The following FCHSD2 variants were observed in gnomAD, a reference collection of about 807,000 sequenced individuals.
FCHSD2 encodes F-BAR and double SH3 domains protein 2.
A neutral mutation model predicts 108.1 loss-of-function variants in FCHSD2; 38 were observed. The observed-to-expected ratio is 0.35, with a 90% CI of 0.27 to 0.46. The LOEUF (loss-of-function observed/expected upper bound fraction) is 0.46. FCHSD2 is among the 20% of genes least tolerant of loss of function. FCHSD2 has a pLI of 1.00. For synonymous variants in FCHSD2, 279 were observed against 314.7 expected (o/e 0.89, Z 1.20); for missense variants, 751 against 897.8 (o/e 0.84, Z 2.09).
intron 5 of FCHSD2, among the ~76,000 whole-genome samples, chr11:72,992,693 C>G (rs1248976244): frequency 6.6e-6 from 1 of 152,188 alleles, no homozygotes; most frequent in Non-Finnish European, 1.5e-5. Context: ...GCTGGGAATA[C>G]TGGCTAGCCA....
At chr11:72,886,019 T>C (rs1477141697) in intron 12 of FCHSD2, among the ~76,000 whole-genome samples, 1 of 152,174 alleles carries the variant, frequency 6.6e-6, no homozygotes, top group Non-Finnish European at 1.5e-5. Flanking sequence ...ATATTCTCTA[T>C]GCTTGCCTAC....
At chr11:73,092,838 G>A (rs1431788502) in intron 2 of FCHSD2, among the ~76,000 whole-genome samples, 2 of 152,124 alleles carry the variant, frequency 1.3e-5, no homozygotes, top group Non-Finnish European at 2.9e-5. Flanking sequence ...CCTACCCAAA[G>A]ACAGGTCTTA....
At chr11:72,840,783 A>T in intron 19 of FCHSD2, 94 bp downstream of exon 19, 1 of 881,926 alleles carries the variant, frequency 1.1e-6, no homozygotes, top group Non-Finnish European at 1.8e-6. Context: ...TGGCATAGTC[A>T]GTAACAACAC....
intron 12 of FCHSD2, among the ~76,000 whole-genome samples, chr11:72,885,406 G>A (rs1565305545): frequency 6.6e-6 from 1 of 152,186 alleles, no homozygotes; most frequent in Non-Finnish European, 1.5e-5. Flanking sequence ...GTGAGACATC[G>A]TGGTATGAGA....
chr11:72,951,365 A>G (rs1856616386), intron 8 of FCHSD2, among the ~76,000 whole-genome samples: 1 of 152,190 alleles, frequency 6.6e-6, no homozygotes, highest in Non-Finnish European at 1.5e-5. Context: ...TTGTTACACT[A>G]TGACAAAACA....
At chr11:72,856,114 A>G (rs1389128542) in intron 13 of FCHSD2, among the ~76,000 whole-genome samples, 1 of 152,212 alleles carries the variant, frequency 6.6e-6, no homozygotes, top group African/African-American at 2.4e-5. Context: ...CATTACATTA[A>G]TTAATTAAAG....
intron 2 of FCHSD2, among the ~76,000 whole-genome samples, chr11:73,100,591 G>A (rs1311731552): frequency 5.9e-5 from 9 of 152,044 alleles, no homozygotes; most frequent in African/African-American, 2.2e-4. Context: ...TGGAACTCTC[G>A]ACCTCAGGTG....
chr11:73,112,752 AATTCTCCTGCC>A (rs1565096284), intron 2 of FCHSD2, among the ~76,000 whole-genome samples: 30 of 152,072 alleles, frequency 2.0e-4, no homozygotes, highest in African/African-American at 7.2e-4. Flanking sequence ...AAGTTCAAGC[AATTCTCCTGCC>A]TCAGCCTCCT....
chr11:73,003,022 A>G (rs1172228168), intron 4 of FCHSD2, among the ~76,000 whole-genome samples: 1 of 152,220 alleles, frequency 6.6e-6, no homozygotes, highest in African/African-American at 2.4e-5. Context: ...GGATGAATGT[A>G]TTAACTATGA....
At chr11:73,092,107 A>G (rs1859973204) in intron 2 of FCHSD2, among the ~76,000 whole-genome samples, 1 of 152,060 alleles carries the variant, frequency 6.6e-6, no homozygotes, top group Non-Finnish European at 1.5e-5. Context: ...TGTGATTCAG[A>G]TACACCTCCT....
chr11:73,115,104 T>G (rs1185400453), intron 2 of FCHSD2, among the ~76,000 whole-genome samples: 1 of 152,244 alleles, frequency 6.6e-6, no homozygotes, highest in African/African-American at 2.4e-5. Context: ...TTCCAACAAC[T>G]GGGCTGGGAG....
chr11:72,938,901 C>G (rs1043337840), intron 8 of FCHSD2, among the ~76,000 whole-genome samples: 2 of 151,922 alleles, frequency 1.3e-5, no homozygotes, highest in African/African-American at 4.8e-5. Context: ...CACTCTAAAG[C>G]TGATTTAAGA....
chr11:72,914,085 G>A (rs1231143159), intron 9 of FCHSD2, among the ~76,000 whole-genome samples: 1 of 152,110 alleles, frequency 6.6e-6, no homozygotes. Flanking sequence ...CATAATCTCA[G>A]CTCGCTGCAA....
intron 2 of FCHSD2, among the ~76,000 whole-genome samples, chr11:73,105,086 A>G (rs920624584): frequency 1.3e-5 from 2 of 152,224 alleles, no homozygotes; most frequent in African/African-American, 4.8e-5. Context: ...CAATAACTCT[A>G]TAAGGTAACC....
intron 14 of FCHSD2, among the ~76,000 whole-genome samples, chr11:72,845,241 C>T (rs1393674686): frequency 6.6e-6 from 1 of 151,702 alleles, no homozygotes; most frequent in African/African-American, 2.4e-5. Flanking sequence ...GGCAACATGG[C>T]GAAACCCTGT....
At position 73,090,667 on chromosome 11, in the gene FCHSD2, G is replaced by A. The variant is rs1005546352; in HGVS notation, c.120-6927C>T. ...TAGCCTAACAAGGGCTCCACATGGA[G>A]AAACTGGCAGTATTAGTAGAAGAAA... On this transcript the variant is annotated intron_variant, in intron 2 of 19. Transcript: ENST00000409418. Among the ~76,000 whole-genome samples the A allele has an allele frequency of 3.3e-5, 5 of 152,284 alleles. 1 individual carries two copies. Among genetic ancestry groups the A allele is most frequent in the African/African-American group, 1.2e-4 (5 of 41,548 alleles).
chr11:72,880,898 A>G (rs1205879705), intron 12 of FCHSD2, among the ~76,000 whole-genome samples: 1 of 151,810 alleles, frequency 6.6e-6, no homozygotes, highest in Non-Finnish European at 1.5e-5. Flanking sequence ...AACAACAACA[A>G]CAACAAACAA....
chr11:73,099,719 T>C (rs1008866270), intron 2 of FCHSD2, among the ~76,000 whole-genome samples: 5 of 152,222 alleles, frequency 3.3e-5, no homozygotes, highest in East Asian at 3.8e-4. Flanking sequence ...CTCGGTCTGG[T>C]TGGGGCTGTC....
chr11:73,019,991 A>G (rs1858062740), intron 3 of FCHSD2, among the ~76,000 whole-genome samples: 1 of 152,164 alleles, frequency 6.6e-6, no homozygotes, highest in African/African-American at 2.4e-5. Flanking sequence ...TAAACATAAT[A>G]TTTATTTATA....
Sources: allele counts gnomAD v4.1 joint callset (sites outside exome capture counted in the v4.1 genomes callset), GRCh38; gene constraint gnomAD v4.1.1; transcripts MANE v1.5; gene names NCBI Gene and HGNC (gene_info 2026-07-23, HGNC 2026-07-21).